The following IMMP2L variants were observed in gnomAD, a reference collection of about 807,000 sequenced individuals.
IMMP2L encodes the protein inner mitochondrial membrane peptidase subunit 2.
In IMMP2L, 18 loss-of-function variants were observed where a neutral mutation model predicts 19.3. That is an observed-to-expected ratio of 0.93 (90% CI 0.64 to 1.38). The LOEUF is 1.38. Among genes scored for constraint, IMMP2L ranks in the 40% most tolerant of loss-of-function variants. The probability of loss-of-function intolerance (pLI) is 0.00; values close to 1 mark genes in which losing one functional copy is unlikely to be tolerated. For missense variants in IMMP2L, 233 were observed against 218.2 expected (o/e 1.07, Z -0.43); for synonymous variants, 76 against 73.0 (o/e 1.04, Z -0.21).
intron 4 of IMMP2L, among the ~76,000 whole-genome samples, chr7:110,949,361 T>A (rs1446168160): frequency 1.3e-5 from 2 of 152,202 alleles, no homozygotes; most frequent in Non-Finnish European, 2.9e-5. Flanking sequence ...TCTCTTTTGT[T>A]GCTCTCTGCC....
chr7:110,864,952 C>T (rs1171140288), intron 5 of IMMP2L, among the ~76,000 whole-genome samples: 6 of 151,964 alleles, frequency 3.9e-5, no homozygotes, highest in Non-Finnish European at 5.9e-5. Flanking sequence ...TTTTAAGTGG[C>T]TATGCTCCAT....
chr7:111,065,778 C>T (rs1328086312), intron 3 of IMMP2L, among the ~76,000 whole-genome samples: 2 of 152,150 alleles, frequency 1.3e-5, no homozygotes, highest in Admixed American at 6.5e-5. Flanking sequence ...GGACTATCTT[C>T]CTTGCTCCTC....
intron 5 of IMMP2L, among the ~76,000 whole-genome samples, chr7:110,834,172 C>G (rs1804219052): frequency 6.6e-6 from 1 of 152,032 alleles, no homozygotes. Context: ...TTCAAATATT[C>G]TTTATGAATA....
intron 3 of IMMP2L, among the ~76,000 whole-genome samples, chr7:111,055,590 G>C (rs1481103930): frequency 6.6e-6 from 1 of 151,966 alleles, no homozygotes; most frequent in African/African-American, 2.4e-5. Flanking sequence ...TTTGACCCCT[G>C]TCTGTTGTCA....
rs909714976 is a variant in IMMP2L at position 111,391,726 on chromosome 7, G to C, written c.239+95512C>G. ...AGATGCAAATTTTTTAAAATAAAAAGCTTCAGCCTTATACAATCAGAAAAA... is the reference window on the plus strand; with the variant it reads ...AGATGCAAATTTTTTAAAATAAAAACCTTCAGCCTTATACAATCAGAAAAA... On this transcript the variant is annotated intron_variant, in intron 3 of 5. Transcript: ENST00000405709. The C allele has an allele frequency of 4.0e-5, 21 of 523,902 alleles. No individual in the cohort carries two copies. The Admixed American group carries it at 6.6e-4, about 17-fold the overall frequency. 32.5% of individuals were successfully genotyped at this position (523,902 alleles called of 1,614,324 possible).
chr7:111,508,933 C>T (rs1432209152), intron 2 of IMMP2L, among the ~76,000 whole-genome samples: 6 of 152,090 alleles, frequency 3.9e-5, no homozygotes, highest in Admixed American at 3.3e-4. Context: ...CTTCCTGCCA[C>T]TCTCAATATT....
intron 3 of IMMP2L, among the ~76,000 whole-genome samples, chr7:111,138,096 G>T (rs1217649545): frequency 6.6e-6 from 1 of 152,138 alleles, no homozygotes; most frequent in Non-Finnish European, 1.5e-5. Context: ...CTCCCAAAAG[G>T]CTGGGATTAC....
intron 3 of IMMP2L, among the ~76,000 whole-genome samples, chr7:111,178,782 T>C (rs962459456): frequency 2.6e-5 from 4 of 152,064 alleles, no homozygotes; most frequent in African/African-American, 7.2e-5. Context: ...CTTCTAATTC[T>C]AGTTCTCTTG....
At chr7:110,936,286 T>C (rs772574857) in intron 4 of IMMP2L, among the ~76,000 whole-genome samples, 3 of 152,220 alleles carry the variant, frequency 2.0e-5, no homozygotes, top group East Asian at 1.9e-4. Context: ...GAGAAAACTT[T>C]TGCAGTCTAT....
chr7:110,702,125 G>A (rs1010972935), intron 5 of IMMP2L, among the ~76,000 whole-genome samples: 2 of 151,312 alleles, frequency 1.3e-5, no homozygotes, highest in Admixed American at 6.6e-5. Context: ...TGTAGAGACG[G>A]ATTTTCACCG....
chr7:110,702,451 A>T lies in IMMP2L; in HGVS notation c.409-38730T>A, dbSNP rs1051255503. ...AGGGCAATGGCTAACATTAACCATG[A>T]ATATTAATATTAAGATCTTAGTGCC... On this transcript the variant is annotated intron_variant, in intron 5 of 5. Coordinates refer to ENST00000405709, the MANE Select transcript of IMMP2L (RefSeq NM_032549.4). Among the ~76,000 whole-genome samples, 4 of 152,204 alleles carry T rather than the reference A, an allele frequency of 2.6e-5. No individual in the cohort carries two copies. The East Asian group carries it at 7.7e-4, about 29-fold the overall frequency.
intron 1 of IMMP2L, among the ~76,000 whole-genome samples, chr7:111,543,582 T>C (rs1314734047): frequency 2.0e-5 from 3 of 152,138 alleles, no homozygotes; most frequent in African/African-American, 7.2e-5. Context: ...AAGATAAAAA[T>C]TAGCTAGAAG....
At chr7:110,885,062 A>T (rs1376578621) in intron 5 of IMMP2L, among the ~76,000 whole-genome samples, 1 of 152,074 alleles carries the variant, frequency 6.6e-6, no homozygotes, top group African/African-American at 2.4e-5. Flanking sequence ...TTAGAAAAAA[A>T]CTATATGGAT....
intron 3 of IMMP2L, among the ~76,000 whole-genome samples, chr7:111,480,597 CAAAAAAAAA>C (rs925037556): frequency 7.3e-5 from 4 of 55,060 alleles, no homozygotes; most frequent in South Asian, 1.6e-3. Context: ...ATTTTACTGT[CAAAAAAAAA>C]AAAAAAAAAA....
At chr7:110,773,360 T>G (rs1009615668) in intron 5 of IMMP2L, among the ~76,000 whole-genome samples, 1 of 152,012 alleles carries the variant, frequency 6.6e-6, no homozygotes, top group African/African-American at 2.4e-5. Context: ...CACAAAAAAT[T>G]CAGGTGTTAG....
intron 3 of IMMP2L, among the ~76,000 whole-genome samples, chr7:111,097,726 C>A (rs1219050434): frequency 6.6e-6 from 1 of 151,736 alleles, no homozygotes; most frequent in Non-Finnish European, 1.5e-5. Context: ...AAATTTAATT[C>A]TATTTTTATC....
At chr7:111,319,998 T>C (rs1001002533) in intron 3 of IMMP2L, among the ~76,000 whole-genome samples, 9 of 152,082 alleles carry the variant, frequency 5.9e-5, no homozygotes, top group African/African-American at 1.7e-4. Context: ...TTACTGTATA[T>C]TTCTGTGCAT....
Position 111,249,509 on chromosome 7 carries a change from C to T in IMMP2L, c.239+237729G>A, listed in dbSNP as rs7784915. Among the ~76,000 whole-genome samples, 385 of 151,982 alleles carry T rather than the reference C, an allele frequency of 2.5e-3. 2 individuals are homozygous for T. The highest frequency in any genetic ancestry group is 3.8e-3 in the Non-Finnish European group (256 of 67,964). ...GTCGCTCACGCTGGGAGCTGTAGAC[C>T]GGAGCTGTTCCTATTCGGCCATCTT... is the stretch of plus-strand genomic sequence containing the variant. On this transcript the variant is annotated intron_variant, in intron 3 of 5. Transcript: ENST00000405709.
chr7:111,388,569 T>A (rs1832019533), intron 3 of IMMP2L, among the ~76,000 whole-genome samples: 1 of 151,868 alleles, frequency 6.6e-6, no homozygotes, highest in Non-Finnish European at 1.5e-5. Flanking sequence ...TACCCAAAAC[T>A]GGGAACAAAC....
Sources: gnomAD v4.1 joint callset for allele counts (sites outside exome capture counted in the v4.1 genomes callset) on GRCh38, gnomAD v4.1.1 for gene constraint, MANE v1.5 for transcripts, NCBI Gene and HGNC (gene_info 2026-07-23, HGNC 2026-07-21) for gene names.